The following DDAH1 variants were observed in gnomAD, a reference collection of about 807,000 sequenced individuals.
The protein encoded by DDAH1 is N(G),N(G)-dimethylarginine dimethylaminohydrolase 1.
Under a neutral mutation model 28.8 loss-of-function variants are expected in DDAH1, and 19 were observed. That is an observed-to-expected ratio of 0.66 (90% confidence interval 0.46 to 0.97). The LOEUF is 0.97. Among genes scored for constraint, DDAH1 ranks in the 50% least tolerant of loss-of-function variants. The pLI is 0.00. For synonymous variants in DDAH1, 153 were observed against 154.4 expected, an observed-to-expected ratio of 0.99 and a Z score of 0.07; for missense variants, 326 against 375.9, an observed-to-expected ratio of 0.87 and a Z score of 1.10.
At position 85,539,204 on chromosome 1, in the gene DDAH1, C is replaced by T. The variant is rs553525558; in HGVS notation, c.-123+38780G>A. Among the ~76,000 whole-genome samples, 24 of 151,578 alleles carry T rather than the reference C, an allele frequency of 1.6e-4. 1 individual carries two copies. In the East Asian group the frequency reaches 2.7e-3, roughly 17 times the overall value. ...TCTTGTCACCCAGGCTGGAGTGCAA[C>T]GGCACAGTCTTGGCTCACTGCAACC... On this transcript the variant is annotated intron_variant, in intron 1 of 6. Coordinates refer to the DDAH1 transcript ENST00000426972.
chr1:85,571,670 T>C (rs112557584), intron 1 of DDAH1, among the ~76,000 whole-genome samples: 29 of 152,202 alleles, frequency 1.9e-4, no homozygotes, highest in African/African-American at 6.5e-4. Context: ...GGGTCTGCAA[T>C]GCTTTAGCAT....
intron 2 of DDAH1, among the ~76,000 whole-genome samples, chr1:85,472,166 C>G (rs1232019208): frequency 6.6e-6 from 1 of 152,158 alleles, no homozygotes; most frequent in South Asian, 2.1e-4. Flanking sequence ...TCTGACATAC[C>G]TTGTTTGTAG....
At chr1:85,339,064 T>A (rs74599242) in intron 4 of DDAH1, among the ~76,000 whole-genome samples, 33,399 of 139,484 alleles carry the variant, frequency 0.24, 4,235 homozygotes, top group Non-Finnish European at 0.27. Context: ...AAAAAAAAAA[T>A]ATATATATAT....
chr1:85,464,525 C>A lies in DDAH1; in HGVS notation c.303+218G>T. 2 of 1,525,580 alleles carry A rather than the reference C, an allele frequency of 1.3e-6. No homozygotes were observed. The highest frequency in any genetic ancestry group is 1.8e-6 in the Non-Finnish European group (2 of 1,141,076). 94.5% of individuals were successfully genotyped at this position (1,525,580 alleles called of 1,614,324 possible). ...CCGAGACCGTACAACCACATTGAAT[C>A]GGATCCTCCAGAAGGCTGCCGGCAG... On this transcript the variant is annotated intron_variant, in intron 1 of 5. Transcript: ENST00000284031. This position sits in a 1 kb window ranked among gnomAD's most constrained non-coding sequence, Gnocchi z 4.4.
intron 1 of DDAH1, among the ~76,000 whole-genome samples, 167 bp from the exon 2 acceptor site, chr1:85,359,014 T>A (rs1372650225): frequency 6.6e-6 from 1 of 152,226 alleles, no homozygotes; most frequent in Non-Finnish European, 1.5e-5. Context: ...CCAGTCATGA[T>A]CATTTGTAAG....
At chr1:85,377,244 T>C (rs1298727869) in intron 1 of DDAH1, among the ~76,000 whole-genome samples, 1 of 152,198 alleles carries the variant, frequency 6.6e-6, no homozygotes, top group African/African-American at 2.4e-5. Context: ...AAAATGGTTT[T>C]GATATGAAAA....
In DDAH1 at chr1:85,346,032, A is replaced by C. The variant is rs908573413; in HGVS notation, c.597+4383T>G. On this transcript the variant is annotated intron_variant, in intron 4 of 5. Coordinates refer to ENST00000284031, the MANE Select transcript of DDAH1 (RefSeq NM_012137.4). ...AAGATGATGATCTCCATAAGAATCC[A>C]CTTCATTAACCAAGAGTAGATTGCA... Among the ~76,000 whole-genome samples, 18 of 152,214 alleles carry C rather than the reference A, an allele frequency of 1.2e-4. 1 individual carries two copies. Among genetic ancestry groups the C allele is most frequent in the African/African-American group, 4.3e-4 (18 of 41,446 alleles).
At chr1:85,364,639 C>T (rs1156326608) in intron 1 of DDAH1, among the ~76,000 whole-genome samples, 1 of 152,076 alleles carries the variant, frequency 6.6e-6, no homozygotes, top group African/African-American at 2.4e-5. Flanking sequence ...CCTTCGCCTC[C>T]CAGGTTCAAG....
At chr1:85,556,986 G>A (rs984805171) in intron 1 of DDAH1, among the ~76,000 whole-genome samples, 2 of 152,062 alleles carry the variant, frequency 1.3e-5, no homozygotes, top group Non-Finnish European at 2.9e-5. Context: ...GCGTAGTGGT[G>A]GGCACCTGTA....
intron 5 of DDAH1, among the ~76,000 whole-genome samples, chr1:85,321,969 A>G (rs1486085621): frequency 6.6e-6 from 1 of 152,118 alleles, no homozygotes; most frequent in African/African-American, 2.4e-5. Context: ...GTTGGTGTAC[A>G]GTGGCGCGAC....
At chr1:85,578,054 C>G in exon 1 of DDAH1, 1 of 982,092 alleles carries the variant, frequency 1.0e-6, no homozygotes, top group Non-Finnish European at 1.2e-6. Context: ...GCGGAGGCGG[C>G]GAGAAGGCGA....
At chr1:85,404,403 G>A in intron 1 of DDAH1, 7 of 1,534,950 alleles carry the variant, frequency 4.6e-6, no homozygotes, top group Non-Finnish European at 6.1e-6. Flanking sequence ...CCATCAAATT[G>A]CCATCCAGAA....
chr1:85,425,303 T>C (rs909896544), intron 1 of DDAH1, among the ~76,000 whole-genome samples: 6 of 152,142 alleles, frequency 3.9e-5, no homozygotes, highest in African/African-American at 1.2e-4. Context: ...CTAGTAATTT[T>C]ACTCAGTTTT....
At chr1:85,514,211 AG>A (rs1450892924) in intron 1 of DDAH1, among the ~76,000 whole-genome samples, 2 of 152,366 alleles carry the variant, frequency 1.3e-5, no homozygotes, top group African/African-American at 4.8e-5. Flanking sequence ...GCCATAAAAA[AG>A]GATGGGTTCA....
chr1:85,419,150 T>C (rs1653017830), intron 1 of DDAH1, among the ~76,000 whole-genome samples: 1 of 152,082 alleles, frequency 6.6e-6, no homozygotes, highest in Non-Finnish European at 1.5e-5. Context: ...GTAAAAGTGT[T>C]AAAGCCTTGA....
intron 2 of DDAH1, among the ~76,000 whole-genome samples, chr1:85,475,292 A>G (rs1488682679): frequency 6.6e-6 from 1 of 152,254 alleles, no homozygotes; most frequent in Non-Finnish European, 1.5e-5. Flanking sequence ...CAAGTGCTCA[A>G]CAAACGTTAG....
chr1:85,514,262 T>A (rs1657362617), intron 1 of DDAH1, among the ~76,000 whole-genome samples: 1 of 152,158 alleles, frequency 6.6e-6, no homozygotes, highest in African/African-American at 2.4e-5. Flanking sequence ...GAAACCATCA[T>A]TCTGAGCAAA....
chr1:85,452,992 T>C (rs555753421), intron 1 of DDAH1, among the ~76,000 whole-genome samples: 4 of 152,334 alleles, frequency 2.6e-5, no homozygotes, highest in African/African-American at 9.6e-5. Context: ...TGTGTATGTG[T>C]GTGTGTGTAT....
At chr1:85,466,832 C>CTTTTTTTTTTTTTTTTTTTTTTTTT (rs10675813), upstream of DDAH1, among the ~76,000 whole-genome samples, 1 of 70,738 alleles carries the variant, frequency 1.4e-5, no homozygotes, top group African/African-American at 5.8e-5. Context: ...ATTATTTATT[C>CTTTTTTTTTTTTTTTTTTTTTTTTT]TTTTTTTTTT....
Sources: gnomAD v4.1 joint callset for allele counts (sites outside exome capture counted in the v4.1 genomes callset) on GRCh38, gnomAD v4.1.1 for gene constraint, Gnocchi (gnomAD v3.1) non-coding constraint, MANE v1.5 for transcripts, NCBI Gene and HGNC (gene_info 2026-07-23, HGNC 2026-07-21) for gene names.